STK32B: variants seen among roughly 807,000 people sequenced by gnomAD.
STK32B encodes serine/threonine-protein kinase 32B.
A neutral mutation model predicts 52.6 loss-of-function variants in STK32B; 43 were observed. The ratio of observed to expected loss-of-function variants is 0.82; its 90% CI spans 0.64 to 1.05. The LOEUF (loss-of-function observed/expected upper bound fraction) is 1.05, where lower values mean the gene tolerates loss of function less well. Among genes scored for constraint, STK32B ranks in the 50% least tolerant of loss-of-function variants. The probability of loss-of-function intolerance (pLI) is 0.00; values close to 1 mark genes in which losing one functional copy is unlikely to be tolerated. For missense variants in STK32B, 621 were observed against 534.6 expected (o/e 1.16, Z -1.59); for synonymous variants, 238 against 204.3 (o/e 1.17, Z -1.41).
chr4:5,396,386 C>T lies in STK32B; in HGVS notation c.435-1821C>T, dbSNP rs28431389. On this transcript the variant is annotated intron_variant, in intron 4 of 11. Transcript: ENST00000282908. This position sits in a 1 kb window ranked among gnomAD's most constrained non-coding sequence, Gnocchi z 4.7. ...TATAAAGACATGAGTCTTTAGAGTC[C>T]TCCCTAAATCCAGGATGATTCATCT... is the stretch of plus-strand genomic sequence containing the variant. Among the ~76,000 whole-genome samples, 1,854 of 152,276 alleles carry T rather than the reference C, an allele frequency of 0.012. 23 individuals are homozygous for T. The highest frequency in any genetic ancestry group is 0.057 in the South Asian group (275 of 4,818).
chr4:5,190,237 A>T (rs997778511), intron 3 of STK32B, among the ~76,000 whole-genome samples: 9 of 152,194 alleles, frequency 5.9e-5, no homozygotes, highest in Non-Finnish European at 1.2e-4. Context: ...GTAACCTTGT[A>T]TATGTTGGTG....
intron 4 of STK32B, among the ~76,000 whole-genome samples, chr4:5,342,943 C>G (rs184969906): frequency 4.0e-4 from 61 of 152,210 alleles, no homozygotes; most frequent in Middle Eastern, 3.4e-3. Context: ...ACTTCTCTGA[C>G]CAAATATTCT....
chr4:5,114,839 G>A (rs999593169), intron 1 of STK32B, among the ~76,000 whole-genome samples: 10 of 152,098 alleles, frequency 6.6e-5, no homozygotes, highest in Admixed American at 1.3e-4. Context: ...GTTATTCCAC[G>A]GGGTGGTGCC....
chr4:5,342,335 T>C (rs754092435), intron 4 of STK32B, among the ~76,000 whole-genome samples: 82 of 151,976 alleles, frequency 5.4e-4, no homozygotes, highest in Non-Finnish European at 8.7e-4. Flanking sequence ...ATTAAGAAAA[T>C]GTGGCACATA....
rs956989483 is a variant in STK32B, at chr4:5,470,725, G to T, written c.1106+2655G>T. On this transcript the variant is annotated intron_variant, in intron 11 of 11. Transcript: ENST00000282908. This position sits in a 1 kb window ranked among gnomAD's most constrained non-coding sequence, Gnocchi z 4.6. ...GTAAAAAAAATGCCTATGAGAAGTT[G>T]ATTCATGACTCATGATTGCCTCAAA... Among the ~76,000 whole-genome samples the T allele has an allele frequency of 3.9e-5, 6 of 152,172 alleles. No homozygotes were observed. The highest frequency in any genetic ancestry group is 1.4e-4 in the African/African-American group (6 of 41,458).
At chr4:5,147,452 G>C (rs186156089) in intron 2 of STK32B, among the ~76,000 whole-genome samples, 2 of 151,824 alleles carry the variant, frequency 1.3e-5, no homozygotes, top group Non-Finnish European at 2.9e-5. Flanking sequence ...TAAAACCCTC[G>C]GTACAATATT....
chr4:5,194,961 A>G (rs1192013298), intron 3 of STK32B, among the ~76,000 whole-genome samples: 2 of 152,264 alleles, frequency 1.3e-5, no homozygotes, highest in Admixed American at 6.5e-5. Flanking sequence ...TCATGATCCA[A>G]TCACCTCCCA....
At chr4:5,100,781 TTCC>T (rs1377139527) in intron 1 of STK32B, among the ~76,000 whole-genome samples, 8 of 2,590 alleles carry the variant, frequency 3.1e-3, no homozygotes, top group East Asian at 0.01. Context: ...CCTTCCCTTC[TTCC>T]TTCCTTTATT....
At chr4:5,471,232 C>T (rs1717830643) in intron 11 of STK32B, among the ~76,000 whole-genome samples, 1 of 152,160 alleles carries the variant, frequency 6.6e-6, no homozygotes, top group Non-Finnish European at 1.5e-5. Flanking sequence ...CCTAAGCCCC[C>T]CTACTTCAGA....
intron 4 of STK32B, among the ~76,000 whole-genome samples, chr4:5,362,738 G>C (rs1177416818): frequency 6.6e-6 from 1 of 152,166 alleles, no homozygotes; most frequent in Non-Finnish European, 1.5e-5. Flanking sequence ...AAAGAAGGCT[G>C]GGGTGAATAC....
chr4:5,434,765 C>G (rs1007470806), intron 6 of STK32B, among the ~76,000 whole-genome samples: 25 of 152,126 alleles, frequency 1.6e-4, no homozygotes, highest in African/African-American at 6.0e-4. Context: ...TAGAAGTGCT[C>G]TCTAAACATT....
At chr4:5,404,041 C>G (rs1253288598) in intron 5 of STK32B, among the ~76,000 whole-genome samples, 1 of 152,044 alleles carries the variant, frequency 6.6e-6, no homozygotes, top group Non-Finnish European at 1.5e-5. Context: ...GGGGTTTCTG[C>G]TGCAGCACTG....
chr4:5,167,904 G>A (rs1030110901), intron 2 of STK32B, among the ~76,000 whole-genome samples: 7 of 152,236 alleles, frequency 4.6e-5, no homozygotes, highest in Admixed American at 3.3e-4. Context: ...GGAGATTCAG[G>A]TGGGCACAGA....
At chr4:5,207,664 C>G (rs115406228) in intron 3 of STK32B, among the ~76,000 whole-genome samples, 1 of 151,670 alleles carries the variant, frequency 6.6e-6, no homozygotes, top group African/African-American at 2.4e-5. Context: ...CTCAAAAATG[C>G]AGTCTCAGAT....
rs1282889385 is a variant in STK32B, at chr4:5,380,302, G to A, written c.435-17905G>A. ...CCTGATCTATTTAATCCAGGCCCTC[G>A]CTTCCCTCCCAGCCCTCCTCCCGAA... On this transcript the variant is annotated intron_variant, in intron 4 of 11. Transcript: ENST00000282908. This position sits in a 1 kb window ranked among gnomAD's most constrained non-coding sequence, Gnocchi z 4.3. 2.0e-5 allele frequency among the ~76,000 whole-genome samples: 3 copies of A among 151,962 alleles called. No individual in the cohort carries two copies. The highest frequency in any genetic ancestry group is 6.5e-5 in the Admixed American group (1 of 15,268).
the STK32B span, among the ~76,000 whole-genome samples, chr4:5,037,389 A>G: frequency 6.6e-6 from 1 of 152,206 alleles, no homozygotes; most frequent in East Asian, 1.9e-4. Flanking sequence ...ACAGATAGGA[A>G]AAATGGTCCC....
At chr4:5,292,556 A>T (rs376756841) in intron 3 of STK32B, among the ~76,000 whole-genome samples, 1 of 151,802 alleles carries the variant, frequency 6.6e-6, no homozygotes, top group Non-Finnish European at 1.5e-5. Flanking sequence ...TATTGGGTGC[A>T]TAATTTGCAA....
chr4:5,496,846 T>C (rs1720307315), intron 11 of STK32B, among the ~76,000 whole-genome samples: 1 of 152,176 alleles, frequency 6.6e-6, no homozygotes, highest in African/African-American at 2.4e-5. Context: ...GTGATTTTAT[T>C]TCATTTCTGC....
intron 3 of STK32B, among the ~76,000 whole-genome samples, chr4:5,236,990 T>C (rs1421948393): frequency 6.6e-6 from 1 of 152,206 alleles, no homozygotes; most frequent in African/African-American, 2.4e-5. Flanking sequence ...ACATCCACTG[T>C]TCTTTTCACC....
Sources: gnomAD v4.1 joint callset for allele counts (sites outside exome capture counted in the v4.1 genomes callset) on GRCh38, gnomAD v4.1.1 for gene constraint, Gnocchi (gnomAD v3.1) non-coding constraint, MANE v1.5 for transcripts, NCBI Gene and HGNC (gene_info 2026-07-23, HGNC 2026-07-21) for gene names.